GRIA4: variants seen among roughly 807,000 people sequenced by gnomAD.
GRIA4 encodes the protein glutamate receptor 4.
A neutral mutation model predicts 104.0 loss-of-function variants in GRIA4; 34 were observed. The observed-to-expected ratio is 0.33, with a 90% CI of 0.25 to 0.44. The LOEUF (loss-of-function observed/expected upper bound fraction) is 0.44. GRIA4 is among the 20% of genes least tolerant of loss of function. The pLI is 1.00. For missense variants in GRIA4, 750 were observed against 1,096.5 expected, an observed-to-expected ratio of 0.68 and a Z score of 4.46; for synonymous variants, 386 against 381.9, an observed-to-expected ratio of 1.01 and a Z score of -0.13.
Position 105,928,579 on chromosome 11 carries a change from C to T in GRIA4, c.2046+1640C>T, listed in dbSNP as rs543468179. Among the ~76,000 whole-genome samples, 22 of 152,016 alleles carry T rather than the reference C, an allele frequency of 1.4e-4. No individual in the cohort carries two copies. The South Asian group carries it at 3.1e-3, about 22-fold the overall frequency. ...GTAAGCACGTAAAATTTAACGATTT[C>T]GCCTAAAAATTACTATGTATATGCA... On this transcript the variant is annotated intron_variant, in intron 13 of 16. Coordinates refer to ENST00000282499, the MANE Select transcript of GRIA4 (RefSeq NM_000829.4).
At chr11:105,783,742 A>ATT (rs1485979708) in intron 4 of GRIA4, among the ~76,000 whole-genome samples, 2 of 118,790 alleles carry the variant, frequency 1.7e-5, no homozygotes, top group African/African-American at 6.5e-5. Context: ...TCTGGATGTT[A>ATT]TTTGTGTGTG....
chr11:105,699,031 C>T (rs138321970), intron 3 of GRIA4, among the ~76,000 whole-genome samples: 1 of 152,212 alleles, frequency 6.6e-6, no homozygotes, highest in South Asian at 2.1e-4. Context: ...CAACTATTTC[C>T]TGTTTAAGAG....
intron 3 of GRIA4, among the ~76,000 whole-genome samples, chr11:105,724,981 A>T (rs1404744611): frequency 1.3e-5 from 2 of 152,184 alleles, no homozygotes; most frequent in Non-Finnish European, 2.9e-5. Flanking sequence ...CAATGTTTGC[A>T]TTTGAATCTC....
At chr11:105,859,584 A>G (rs569110286) in intron 4 of GRIA4, among the ~76,000 whole-genome samples, 1 of 152,180 alleles carries the variant, frequency 6.6e-6, no homozygotes, top group Non-Finnish European at 1.5e-5. Flanking sequence ...GAGAATAACA[A>G]CATGGATGCC....
intron 4 of GRIA4, among the ~76,000 whole-genome samples, chr11:105,831,328 ATCT>A (rs1174145681): frequency 6.6e-6 from 1 of 152,022 alleles, no homozygotes; most frequent in African/African-American, 2.4e-5. Flanking sequence ...CACTTAGCAA[ATCT>A]TCAATTGCAT....
At chr11:105,640,980 T>C (rs1374787987) in intron 3 of GRIA4, among the ~76,000 whole-genome samples, 1 of 152,112 alleles carries the variant, frequency 6.6e-6, no homozygotes, top group Non-Finnish European at 1.5e-5. Flanking sequence ...TTTTATAACA[T>C]TATTCTTAGC....
At chr11:105,855,591 G>T (rs1944981226) in intron 4 of GRIA4, among the ~76,000 whole-genome samples, 1 of 152,054 alleles carries the variant, frequency 6.6e-6, no homozygotes, top group Non-Finnish European at 1.5e-5. Flanking sequence ...TTGGAAATTA[G>T]TCTTTTGCTA....
chr11:105,822,468 C>G (rs191082365), intron 4 of GRIA4, among the ~76,000 whole-genome samples: 4 of 152,184 alleles, frequency 2.6e-5, no homozygotes, highest in African/African-American at 9.6e-5. Flanking sequence ...GAAATTTGTT[C>G]TCATTACCTT....
chr11:105,969,438 A>T (rs1591498358), intron 14 of GRIA4, among the ~76,000 whole-genome samples: 1 of 152,198 alleles, frequency 6.6e-6, no homozygotes, highest in Admixed American at 6.5e-5. Context: ...CAAAGTGTTA[A>T]TCTAATCCTC....
Position 105,614,928 on chromosome 11 carries a change from A to T in GRIA4, c.247+2494A>T, listed in dbSNP as rs923488806. Among the ~76,000 whole-genome samples, 44 of 152,010 alleles carry T rather than the reference A, an allele frequency of 2.9e-4. 3 individuals are homozygous for T. The highest frequency in any genetic ancestry group is 2.1e-4 in the South Asian group (1 of 4,828). ...TTTATCAAGCTCTATGCCTTTGAGT[A>T]CAAAAGGGTAAAAATAGGTCTTGAA... On this transcript the variant is annotated intron_variant, in intron 3 of 16. Coordinates refer to ENST00000282499, the MANE Select transcript of GRIA4 (RefSeq NM_000829.4).
intron 4 of GRIA4, among the ~76,000 whole-genome samples, chr11:105,793,379 A>C (rs1398347606): frequency 1.3e-5 from 2 of 152,152 alleles, no homozygotes; most frequent in African/African-American, 4.8e-5. Context: ...GTCAAGCACT[A>C]AGATTATCAC....
At chr11:105,784,777 G>A (rs1270164708) in intron 4 of GRIA4, among the ~76,000 whole-genome samples, 1 of 152,148 alleles carries the variant, frequency 6.6e-6, no homozygotes, top group Admixed American at 6.5e-5. Context: ...TAAATAAGAT[G>A]TGTTGTAAGA....
At chr11:105,718,972 T>C (rs1954200361) in intron 3 of GRIA4, among the ~76,000 whole-genome samples, 1 of 152,134 alleles carries the variant, frequency 6.6e-6, no homozygotes, top group African/African-American at 2.4e-5. Context: ...ATCAGAGTTA[T>C]GCCGTGGAGC....
intron 4 of GRIA4, among the ~76,000 whole-genome samples, chr11:105,849,551 A>G (rs1474386767): frequency 6.6e-6 from 1 of 152,220 alleles, no homozygotes; most frequent in Non-Finnish European, 1.5e-5. Context: ...ACGCTGAACT[A>G]CCTATTTAAA....
chr11:105,661,399 C>G (rs1208036708), intron 3 of GRIA4, among the ~76,000 whole-genome samples: 1 of 151,352 alleles, frequency 6.6e-6, no homozygotes, highest in Non-Finnish European at 1.5e-5. Context: ...ACTGAAGACA[C>G]AAAACAAATA....
At position 105,974,293 on chromosome 11, in the gene GRIA4, G is replaced by A; in HGVS notation, c.2410-17G>A. 6.2e-7 allele frequency: 1 copy of A among 1,612,102 alleles called. No homozygotes were observed. Among genetic ancestry groups the A allele is most frequent in the South Asian group, 1.1e-5 (1 of 90,944 alleles). On this transcript the variant is annotated splice_polypyrimidine_tract_variant and intron_variant, in intron 15 of 16. Coordinates refer to ENST00000282499, the MANE Select transcript of GRIA4 (RefSeq NM_000829.4). ...TGACATTTCCACAGTTAACTGAAGTGTCTTTATCCCCCCTAGGACAAGACG... is the reference window on the plus strand; with the variant it reads ...TGACATTTCCACAGTTAACTGAAGTATCTTTATCCCCCCTAGGACAAGACG...
At chr11:105,859,090 T>G (rs1945123850) in intron 4 of GRIA4, among the ~76,000 whole-genome samples, 2 of 152,198 alleles carry the variant, frequency 1.3e-5, no homozygotes, top group African/African-American at 4.8e-5. Flanking sequence ...TTATCTAGTT[T>G]ATATAACAAC....
chr11:105,955,614 T>C (rs1424927990), intron 14 of GRIA4, among the ~76,000 whole-genome samples: 1 of 152,232 alleles, frequency 6.6e-6, no homozygotes, highest in Non-Finnish European at 1.5e-5. Flanking sequence ...TAAAATGATT[T>C]ATATTCCTTT....
intron 4 of GRIA4, among the ~76,000 whole-genome samples, chr11:105,807,316 T>C (rs1205774549): frequency 6.6e-6 from 1 of 151,908 alleles, no homozygotes; most frequent in African/African-American, 2.4e-5. Flanking sequence ...TAAACAGATA[T>C]GAATTGTATG....
Sources: gnomAD v4.1 joint callset for allele counts (sites outside exome capture counted in the v4.1 genomes callset) on GRCh38, gnomAD v4.1.1 for gene constraint, MANE v1.5 for transcripts, NCBI Gene and HGNC (gene_info 2026-07-23, HGNC 2026-07-21) for gene names.